MNS1: variants seen among roughly 807,000 people sequenced by gnomAD.
MNS1 encodes meiosis specific nuclear structural 1, also known as meiosis-specific nuclear structural protein 1.
In MNS1, 63 loss-of-function variants were observed where a neutral mutation model predicts 72.0. The observed-to-expected ratio is 0.87, with a 90% CI of 0.71 to 1.08. The LOEUF is 1.08. Ranked by LOEUF, MNS1 falls within the 50% of genes least tolerant of loss-of-function variation. The pLI, the probability that MNS1 is intolerant of heterozygous loss-of-function variation, is 0.00. For missense variants in MNS1, 604 were observed against 562.4 expected, an observed-to-expected ratio of 1.07 and a Z score of -0.75; for synonymous variants, 188 against 172.1, an observed-to-expected ratio of 1.09 and a Z score of -0.72.
intron 8 of MNS1, among the ~76,000 whole-genome samples, chr15:56,431,860 T>C (rs1253857208): frequency 2.0e-5 from 3 of 151,734 alleles, no homozygotes; most frequent in South Asian, 2.1e-4. Context: ...AAACAAAAAA[T>C]AGTGAATAAA....
At chr15:56,451,959 C>A (rs1282212950) in intron 3 of MNS1, among the ~76,000 whole-genome samples, 1 of 152,074 alleles carries the variant, frequency 6.6e-6, no homozygotes, top group Admixed American at 6.5e-5. Flanking sequence ...CTCTGAAAAT[C>A]TGTTGATATT....
At chr15:56,458,488 GTTTACA>G (rs1386448222) in intron 2 of MNS1, among the ~76,000 whole-genome samples, 1 of 151,952 alleles carries the variant, frequency 6.6e-6, no homozygotes, top group Non-Finnish European at 1.5e-5. Flanking sequence ...AAAGTCCATA[GTTTACA>G]TTAAGGTTCA....
At chr15:56,450,389 A>G (rs1212505440) in intron 3 of MNS1, among the ~76,000 whole-genome samples, 2 of 152,166 alleles carry the variant, frequency 1.3e-5, no homozygotes, top group Non-Finnish European at 2.9e-5. Context: ...CCAAAGAGAA[A>G]TGCTGCACCT....
At chr15:56,432,406 A>G (rs2050620149) in intron 8 of MNS1, among the ~76,000 whole-genome samples, 1 of 152,190 alleles carries the variant, frequency 6.6e-6, no homozygotes, top group Non-Finnish European at 1.5e-5. Context: ...AGAGGTAGAC[A>G]GAATTACAGA....
intron 7 of MNS1, among the ~76,000 whole-genome samples, chr15:56,438,075 A>C (rs549416047): frequency 4.1e-4 from 63 of 152,316 alleles, no homozygotes; most frequent in African/African-American, 1.5e-3. Context: ...CATCCACATC[A>C]AGCTACCAAT....
At chr15:56,434,439 C>T (rs1285759735) in intron 7 of MNS1, 44 bp from the exon 8 acceptor site, 2 of 1,543,226 alleles carry the variant, frequency 1.3e-6, no homozygotes, top group Admixed American at 1.8e-5. Context: ...TATTTCCTTA[C>T]ACCAGATTTA....
intron 8 of MNS1, among the ~76,000 whole-genome samples, chr15:56,432,296 C>T (rs1454378590): frequency 2.0e-5 from 3 of 152,120 alleles, no homozygotes; most frequent in Admixed American, 6.6e-5. Context: ...TAGGCAGTTA[C>T]GAAATCAACT....
intron 2 of MNS1, among the ~76,000 whole-genome samples, chr15:56,463,040 C>T (rs143426052): frequency 5.3e-4 from 80 of 152,214 alleles, no homozygotes; most frequent in Non-Finnish European, 9.6e-4. Flanking sequence ...TTGTTATTCT[C>T]CACAAAATCC....
chr15:56,450,940 A>G (rs1211549700), intron 3 of MNS1, among the ~76,000 whole-genome samples: 2 of 152,176 alleles, frequency 1.3e-5, no homozygotes, highest in Non-Finnish European at 2.9e-5. Flanking sequence ...TAGATGTGAA[A>G]CAGTTTCTTC....
intron 2 of MNS1, among the ~76,000 whole-genome samples, chr15:56,458,123 TAC>T (rs774254275): frequency 1.3e-5 from 2 of 152,208 alleles, no homozygotes; most frequent in Non-Finnish European, 2.9e-5. Flanking sequence ...AAAGATTACA[TAC>T]AGTTTGATGC....
intron 7 of MNS1, among the ~76,000 whole-genome samples, chr15:56,436,136 A>T (rs1392207724): frequency 1.3e-5 from 2 of 152,180 alleles, no homozygotes; most frequent in Non-Finnish European, 2.9e-5. Context: ...TCTCCAGCCC[A>T]AATCAACAGA....
intron 2 of MNS1, among the ~76,000 whole-genome samples, chr15:56,463,253 T>A (rs1478117649): frequency 1.3e-5 from 2 of 152,170 alleles, no homozygotes; most frequent in Non-Finnish European, 2.9e-5. Context: ...TTTCAGTAAA[T>A]TTTTTAAAGG....
chr15:56,435,360 A>T (rs1418914090), intron 7 of MNS1, among the ~76,000 whole-genome samples: 1 of 151,990 alleles, frequency 6.6e-6, no homozygotes, highest in East Asian at 1.9e-4. Context: ...AAAATAGACA[A>T]TTATTGGTGA....
chr15:56,464,260 A>G lies in MNS1; in HGVS notation c.4-13T>C, dbSNP rs1269518530. 4.7e-6 allele frequency: 7 copies of G among 1,496,912 alleles called. No individual in the cohort carries two copies. Among genetic ancestry groups the G allele is most frequent in the Non-Finnish European group, 6.3e-6 (7 of 1,107,946 alleles). 92.7% of individuals were successfully genotyped at this position (1,496,912 alleles called of 1,614,324 possible). A position where few individuals can be genotyped will look rare whatever the true frequency, so the allele number is the denominator to read the frequency against. The stretch of plus-strand genomic sequence containing the variant: ...TCCTTTTGGAACCCTACGATGGAAG[A>G]AAAAAAAAGATGCATATTTTGATAT... On this transcript the variant is annotated splice_polypyrimidine_tract_variant and intron_variant, in intron 1 of 9. Coordinates refer to ENST00000260453, the MANE Select transcript of MNS1 (RefSeq NM_018365.4).
chr15:56,444,343 A>G (rs2050870652), intron 5 of MNS1, 101 bp downstream of exon 5: 2 of 913,884 alleles, frequency 2.2e-6, no homozygotes, highest in Non-Finnish European at 1.6e-6. Flanking sequence ...AGCACTTACT[A>G]TGTATTAGGC....
chr15:56,446,887 C>G lies in MNS1; in HGVS notation c.410G>C (p.Arg137Thr). ...ATCCTTTTCAGCAATCTGAGCTGCCCTTTCTTTATTCATGTAAGCTGCTTT... is the reference window on the plus strand; with the variant it reads ...ATCCTTTTCAGCAATCTGAGCTGCCGTTTCTTTATTCATGTAAGCTGCTTT... ...KLKAAYMNKE[R>T]AAQIAEKDAI... The change falls in exon 4 of 10, where the codon AGG (arginine) becomes ACG (threonine). Residue 137 changes from arginine (R) to threonine (T), a missense_variant. Coordinates refer to ENST00000260453, the MANE Select transcript of MNS1 (RefSeq NM_018365.4). 3 of 1,610,594 alleles carry G rather than the reference C, an allele frequency of 1.9e-6. No individual in the cohort carries two copies. Among genetic ancestry groups the G allele is most frequent in the Non-Finnish European group, 2.5e-6 (3 of 1,179,128 alleles).
At chr15:56,461,975 GTTTTTTTTT>G (rs56022687) in intron 2 of MNS1, among the ~76,000 whole-genome samples, 26 of 97,898 alleles carry the variant, frequency 2.7e-4, no homozygotes, top group Admixed American at 4.8e-4. Flanking sequence ...TTTTGTTGTT[GTTTTTTTTT>G]TTTTTTTTTT....
Position 56,444,690 on chromosome 15 carries a change from ATTGATC to A in MNS1, c.457-23_457-18del. ...ATCACGTTTCTGTTATTAAAACAAA[ATTGATC>A]TTTCCGTTTTCAAATTTGAACATAG... On this transcript the variant is annotated intron_variant, in intron 4 of 9. Coordinates refer to ENST00000260453, the MANE Select transcript of MNS1 (RefSeq NM_018365.4). The A allele has an allele frequency of 3.1e-6, 5 of 1,594,404 alleles. No individual in the cohort carries two copies. The highest frequency in any genetic ancestry group is 4.3e-6 in the Non-Finnish European group (5 of 1,166,018).
chr15:56,465,016 C>G lies in MNS1; in HGVS notation c.-44G>C. 6.3e-7 allele frequency: 1 copy of G among 1,588,958 alleles called. No homozygotes were observed. Among genetic ancestry groups the G allele is most frequent in the Non-Finnish European group, 8.6e-7 (1 of 1,169,224 alleles). On this transcript the variant is annotated 5_prime_UTR_variant, in exon 1 of 10. Coordinates refer to ENST00000260453, the MANE Select transcript of MNS1 (RefSeq NM_018365.4). ...CCCCCTCTCGTGGGACCGCGGCCAC[C>G]ACCTCCCGCCGCAAACGCAGCAGCC...
Sources: allele counts gnomAD v4.1 joint callset (sites outside exome capture counted in the v4.1 genomes callset), GRCh38; gene constraint gnomAD v4.1.1; transcripts MANE v1.5; gene names NCBI Gene and HGNC (gene_info 2026-07-23, HGNC 2026-07-21).